LYSMD2: variants seen among roughly 807,000 people sequenced by gnomAD.
The protein encoded by LYSMD2 is LysM domain containing 2, also known as lysM and putative peptidoglycan-binding domain-containing protein 2.
A neutral mutation model predicts 17.7 loss-of-function variants in LYSMD2; 6 were observed. The observed-to-expected ratio is 0.34, with a 90% CI of 0.19 to 0.67. The LOEUF (loss-of-function observed/expected upper bound fraction) is 0.67, where lower values mean the gene tolerates loss of function less well. Among genes scored for constraint, LYSMD2 ranks in the 30% least tolerant of loss-of-function variants. The pLI, the probability that LYSMD2 is intolerant of heterozygous loss-of-function variation, is 0.69. For missense variants in LYSMD2, 237 were observed against 286.7 expected, an observed-to-expected ratio of 0.83 and a Z score of 1.25; for synonymous variants, 102 against 129.8, an observed-to-expected ratio of 0.79 and a Z score of 1.45.
intron 2 of LYSMD2, 144 bp downstream of exon 2, chr15:51,724,646 G>GAAAT: frequency 1.9e-6 from 1 of 521,942 alleles, no homozygotes; most frequent in Non-Finnish European, 3.1e-6. Flanking sequence ...AAGAAAGAAA[G>GAAAT]AAATTAAGAA....
chr15:51,737,551 C>A lies in LYSMD2; in HGVS notation c.72G>T (p.Ser24=), dbSNP rs1366628393. 3 of 1,226,708 alleles carry A rather than the reference C, an allele frequency of 2.4e-6. No individual in the cohort carries two copies. The highest frequency in any genetic ancestry group is 3.0e-6 in the Non-Finnish European group (3 of 986,910). The allele number at this position is 1,226,708 out of a possible 1,614,324, so 76.0% of individuals were successfully genotyped here. The stretch of plus-strand genomic sequence containing the variant: ...AGCCGGAGCGCGAGCGCGGCGGCGG[C>A]GAGGGGGCCGAGGGCCGCGGCGCGC... ...GPRAPRPSAP[S]PPPRSRSGSE... is the part of the protein sequence containing the mutation. The change falls in exon 1 of 3, where the codon TCG becomes TCT. Residue 24 remains serine, a synonymous_variant. Transcript: ENST00000267838. This position sits in a 1 kb window ranked among gnomAD's most constrained non-coding sequence, Gnocchi z 4.2.
rs1812762 is a variant in LYSMD2 at position 51,737,607 on chromosome 15, G to T, written c.16C>A (p.Pro6Thr). 3 of 1,210,796 alleles carry T rather than the reference G, an allele frequency of 2.5e-6. No homozygotes were observed. In the African/African-American group the frequency reaches 4.7e-5, roughly 19 times the overall value. 75.0% of individuals were successfully genotyped at this position (1,210,796 alleles called of 1,614,324 possible). MADSS[P>T]ALSLREGGPR... ...CCGCCTTCCCGCAGGGACAGTGCGG[G>T]CGAGGAATCCGCCATGGGTCCTGCC... The change falls in exon 1 of 3, where the codon CCC becomes ACC. Residue 6 changes from proline to threonine, a missense_variant. By Grantham distance (38) the Pro-to-Thr change is conservative. Coordinates refer to ENST00000267838, the MANE Select transcript of LYSMD2 (RefSeq NM_153374.3). The surrounding 1 kb of genome is among the most constrained non-coding windows in gnomAD (Gnocchi z 4.2).
intron 2 of LYSMD2, 56 bp downstream of exon 2, chr15:51,724,734 G>A: frequency 3.6e-6 from 4 of 1,114,584 alleles, no homozygotes; most frequent in Middle Eastern, 4.4e-4. Context: ...GGCCCAGCAA[G>A]GACATCTTAA....
intron 1 of LYSMD2, among the ~76,000 whole-genome samples, chr15:51,727,775 G>T (rs1302600717): frequency 6.6e-6 from 1 of 152,192 alleles, no homozygotes; most frequent in African/African-American, 2.4e-5. Flanking sequence ...GCTTCCTAAA[G>T]TCAGGGGCTC....
chr15:51,736,805 G>A (rs2055612014), intron 1 of LYSMD2, among the ~76,000 whole-genome samples: 1 of 152,202 alleles, frequency 6.6e-6, no homozygotes, highest in Admixed American at 6.5e-5. Flanking sequence ...ATTCGCGGTT[G>A]CCAGTGAGCC....
At chr15:51,739,229 C>G (rs2055631360), upstream of LYSMD2, among the ~76,000 whole-genome samples, 2 of 152,184 alleles carry the variant, frequency 1.3e-5, no homozygotes, top group Admixed American at 1.3e-4. Flanking sequence ...TTTGTACTTG[C>G]ATGTACATGC....
intron 1 of LYSMD2, among the ~76,000 whole-genome samples, chr15:51,729,669 A>C (rs2055564388): frequency 6.6e-6 from 1 of 152,224 alleles, no homozygotes; most frequent in African/African-American, 2.4e-5. Flanking sequence ...CGTGTTAGCC[A>C]GGATGGTCTT....
intron 2 of LYSMD2, among the ~76,000 whole-genome samples, chr15:51,724,342 A>G (rs2055522400): frequency 6.6e-6 from 1 of 152,228 alleles, no homozygotes; most frequent in Non-Finnish European, 1.5e-5. Context: ...TTTTGCAACT[A>G]TCAATATTTT....
chr15:51,745,549 C>A (rs539553050), intron 1 of LYSMD2, among the ~76,000 whole-genome samples: 1 of 152,200 alleles, frequency 6.6e-6, no homozygotes, highest in African/African-American at 2.4e-5. Flanking sequence ...AATCCAGCAC[C>A]CTTTTGTTAT....
rs748102469 is a variant in LYSMD2 at position 51,725,168 on chromosome 15, G to A, written c.274-47C>T. 8.3e-6 allele frequency: 10 copies of A among 1,197,760 alleles called. No homozygotes were observed. In the African/African-American group the frequency reaches 9.2e-5, roughly 11 times the overall value. 74.2% of individuals were successfully genotyped at this position (1,197,760 alleles called of 1,614,324 possible). A position where few individuals can be genotyped will look rare whatever the true frequency, so the allele number is the denominator to read the frequency against. Reference sequence around the variant, plus strand: ...ACAGAATTACATATAACCAAGTCAAGGAGTAAGATTTATTATACAATACAG... The same window carrying A: ...ACAGAATTACATATAACCAAGTCAAAGAGTAAGATTTATTATACAATACAG... On this transcript the variant is annotated intron_variant, in intron 1 of 2. Coordinates refer to ENST00000267838, the MANE Select transcript of LYSMD2 (RefSeq NM_153374.3).
At chr15:51,741,938 T>TATATATATAATGTATATATAAATA, upstream of LYSMD2, among the ~76,000 whole-genome samples, 1 of 149,152 alleles carries the variant, frequency 6.7e-6, no homozygotes, top group South Asian at 2.1e-4. Flanking sequence ...AATAATTAAA[T>TATATATATAATGTATATATAAATA]ATATATATAA....
chr15:51,724,840 C>A lies in LYSMD2; in HGVS notation c.555G>T (p.Leu185Phe). 6 of 1,613,988 alleles carry A rather than the reference C, an allele frequency of 3.7e-6. No individual in the cohort carries two copies. Among genetic ancestry groups the A allele is most frequent in the Non-Finnish European group, 5.1e-6 (6 of 1,179,946 alleles). Residue 185 changes from leucine to phenylalanine, a missense_variant, in exon 2 of 3, where the codon TTG becomes TTT. Physicochemically the swap from Leu to Phe is conservative, Grantham distance 22 (BLOSUM62 0). Transcript: ENST00000267838. ...SARDFLQRLD[L>F]QIKLSTQAAK... The stretch of plus-strand genomic sequence containing the variant: ...CTGCCTGTGTTGATAACTTAATCTG[C>A]AAGTCAAGTCTCTGCAGGAAATCTC...
intron 1 of LYSMD2, among the ~76,000 whole-genome samples, chr15:51,729,291 G>A (rs1024548767): frequency 3.3e-5 from 5 of 152,374 alleles, no homozygotes; most frequent in South Asian, 4.1e-4. Flanking sequence ...CCACTGGAGA[G>A]TGAAGGCAGG....
At chr15:51,731,726 T>C (rs1595850159) in intron 1 of LYSMD2, among the ~76,000 whole-genome samples, 1 of 152,246 alleles carries the variant, frequency 6.6e-6, no homozygotes, top group Non-Finnish European at 1.5e-5. Context: ...TCAGTTTCTA[T>C]ATGGCTCTCT....
upstream of LYSMD2, among the ~76,000 whole-genome samples, chr15:51,742,098 A>G (rs1295001182): frequency 6.6e-6 from 1 of 151,650 alleles, no homozygotes; most frequent in East Asian, 1.9e-4. Context: ...GCAATGGCAC[A>G]ATCTCCACTC....
At chr15:51,750,155 C>A (rs547471946) in intron 1 of LYSMD2, among the ~76,000 whole-genome samples, 2 of 152,288 alleles carry the variant, frequency 1.3e-5, no homozygotes, top group Admixed American at 1.3e-4. Flanking sequence ...ACTGAACACC[C>A]CTATGACCTT....
upstream of LYSMD2, among the ~76,000 whole-genome samples, chr15:51,741,734 A>AC (rs1157703977): frequency 2.0e-5 from 3 of 152,242 alleles, no homozygotes; most frequent in East Asian, 5.8e-4. Flanking sequence ...AGCCTGGCCA[A>AC]CATGGCGAAA....
intron 1 of LYSMD2, among the ~76,000 whole-genome samples, chr15:51,745,633 T>C (rs2055663792): frequency 6.8e-6 from 1 of 146,852 alleles, no homozygotes; most frequent in African/African-American, 2.5e-5. Context: ...GTGAACACCA[T>C]CCAGAAAGTT....
intron 1 of LYSMD2, among the ~76,000 whole-genome samples, chr15:51,730,930 C>T (rs980680723): frequency 6.6e-6 from 1 of 152,136 alleles, no homozygotes; most frequent in African/African-American, 2.4e-5. Context: ...GAGACCAGAC[C>T]CCTCCATTGC....
Sources: gnomAD v4.1 joint callset for allele counts (sites outside exome capture counted in the v4.1 genomes callset) on GRCh38, gnomAD v4.1.1 for gene constraint, Gnocchi (gnomAD v3.1) non-coding constraint, MANE v1.5 for transcripts, NCBI Gene and HGNC (gene_info 2026-07-23, HGNC 2026-07-21) for gene names.